The following CERS4 variants were observed in gnomAD, a reference collection of about 807,000 sequenced individuals.
CERS4 encodes the protein ceramide synthase 4.
A neutral mutation model predicts 51.8 loss-of-function variants in CERS4; 65 were observed. That is an observed-to-expected ratio of 1.26 (90% CI 1.03 to 1.54). CERS4 has a LOEUF of 1.54. CERS4 is among the 40% of genes most tolerant of loss of function. The probability of loss-of-function intolerance (pLI) is 0.00; values close to 1 mark genes in which losing one functional copy is unlikely to be tolerated. For synonymous variants in CERS4, 228 were observed against 208.4 expected (o/e 1.09, Z -0.81); for missense variants, 563 against 500.4 (o/e 1.13, Z -1.19).
chr19:8,237,025 A>AAAAAAC (rs1968297034), intron 2 of CERS4, among the ~76,000 whole-genome samples: 1 of 150,586 alleles, frequency 6.6e-6, no homozygotes, highest in East Asian at 1.9e-4. Flanking sequence ...AAAAAAAAAA[A>AAAAAAC]AACGAAAAGG....
In CERS4 at chr19:8,261,721, C is replaced by A; in HGVS notation, c.882C>A (p.Ser294Arg). 1 of 1,614,158 alleles carries A rather than the reference C, an allele frequency of 6.2e-7. No homozygotes were observed. Residue 294 changes from serine to arginine, a missense_variant, in exon 11 of 12, where the codon AGC becomes AGA. Coordinates refer to ENST00000251363, the MANE Select transcript of CERS4 (RefSeq NM_024552.3). ...ACACCACATACTACGAGTCCATCAGCAACAGGGGCCCCTTCTTCGGCTACT... is the reference window on the plus strand; with the variant it reads ...ACACCACATACTACGAGTCCATCAGAAACAGGGGCCCCTTCTTCGGCTACT... ...ILYTTYYESI[S>R]NRGPFFGYYF... is the part of the protein sequence containing the mutation.
Position 8,261,761 on chromosome 19 carries a change from C to G in CERS4, c.922C>G (p.Leu308Val). 1 of 1,614,152 alleles carries G rather than the reference C, an allele frequency of 6.2e-7. No homozygotes were observed. Among genetic ancestry groups the G allele is most frequent in the Non-Finnish European group, 8.5e-7 (1 of 1,180,008 alleles). Reference protein sequence around the residue: ...PFFGYYFFNGLLMLLQLLHVF... With the variant: ...PFFGYYFFNGVLMLLQLLHVF... Reference sequence around the variant, plus strand: ...CTTCGGCTACTACTTCTTCAACGGGCTTCTGATGTTGCTGCAGCTGCTGCA... The same window carrying G: ...CTTCGGCTACTACTTCTTCAACGGGGTTCTGATGTTGCTGCAGCTGCTGCA... Residue 308 changes from leucine (L) to valine (V), a missense_variant, in exon 11 of 12, where the codon CTT becomes GTT. By Grantham distance (32) the Leu-to-Val change is conservative. Transcript: ENST00000251363.
At chr19:8,258,029 G>C (rs1568540500) in intron 10 of CERS4, 44 bp downstream of exon 10, 1 of 1,445,942 alleles carries the variant, frequency 6.9e-7, no homozygotes, top group Admixed American at 1.7e-5. Flanking sequence ...GGGAGGGCGT[G>C]TCTGAGATTC....
intron 10 of CERS4, among the ~76,000 whole-genome samples, chr19:8,260,051 A>G (rs2145339728): frequency 6.6e-6 from 1 of 151,916 alleles, no homozygotes; most frequent in East Asian, 1.9e-4. Context: ...GGAGCCAGAG[A>G]GGGAAGGGGC....
Position 8,257,871 on chromosome 19 carries a change from C to T in CERS4, c.742-8C>T, listed in dbSNP as rs748405135. On this transcript the variant is annotated splice_polypyrimidine_tract_variant and splice_region_variant and intron_variant, in intron 9 of 11. Transcript: ENST00000251363. The stretch of plus-strand genomic sequence containing the variant: ...CCTGAGCCCATTTCTCCCTGCTGCC[C>T]TTTCCAGGCCTGTAAGATGGTCAAC... 8.1e-6 allele frequency: 13 copies of T among 1,611,460 alleles called. No individual in the cohort carries two copies. The Middle Eastern group carries it at 8.2e-4, about 102-fold the overall frequency.
chr19:8,245,056 G>A (rs1968697789), intron 2 of CERS4, among the ~76,000 whole-genome samples: 1 of 141,454 alleles, frequency 7.1e-6, no homozygotes, highest in Admixed American at 7.7e-5. Flanking sequence ...AGCTTGCAGT[G>A]AGCTGAGATC....
chr19:8,258,390 G>A (rs748062622), intron 10 of CERS4, among the ~76,000 whole-genome samples: 9 of 152,282 alleles, frequency 5.9e-5, no homozygotes, highest in South Asian at 4.1e-4. Context: ...CACAGCATGC[G>A]AAGGAGAGAT....
chr19:8,224,406 CA>C (rs34399032), intron 2 of CERS4, among the ~76,000 whole-genome samples: 41,678 of 104,304 alleles, frequency 0.4, 5,926 homozygotes, highest in East Asian at 0.58. Flanking sequence ...GACTCCATCG[CA>C]AAAAAAAAAA....
chr19:8,222,144 T>C (rs1967592452), intron 2 of CERS4: 1 of 151,870 alleles, frequency 6.6e-6, no homozygotes, highest in Non-Finnish European at 1.5e-5. Context: ...CCTCCCAAAG[T>C]GCTGGGATTA....
At chr19:8,245,030 G>A (rs1232454411) in intron 2 of CERS4, among the ~76,000 whole-genome samples, 1 of 150,652 alleles carries the variant, frequency 6.6e-6, no homozygotes, top group African/African-American at 2.4e-5. Context: ...TGTAGTCCCA[G>A]CTACTCGGGA....
intron 2 of CERS4, among the ~76,000 whole-genome samples, chr19:8,231,581 C>T (rs1467969132): frequency 1.3e-5 from 2 of 152,030 alleles, no homozygotes; most frequent in African/African-American, 4.8e-5. Context: ...TGGAGTCTTG[C>T]TCTGTCGCCC....
chr19:8,261,936 A>G lies in CERS4; in HGVS notation c.1012A>G (p.Lys338Glu), dbSNP rs1191490473. ...YSFMKKGQME[K>E]DIRSDVEESD... ...CCCTCTCTCTGTTCCCCAGATGGAGAAGGACATTCGTAGTGATGTAGAAGA... is the reference window on the plus strand; with the variant it reads ...CCCTCTCTCTGTTCCCCAGATGGAGGAGGACATTCGTAGTGATGTAGAAGA... The change falls in exon 12 of 12, where the codon AAG (lysine) becomes GAG (glutamate). Residue 338 changes from lysine (K) to glutamate (E), a missense_variant. By Grantham distance (56) the Lys-to-Glu change is moderately conservative. Transcript: ENST00000251363. The G allele has an allele frequency of 6.2e-6, 10 of 1,608,392 alleles. No homozygotes were observed. The highest frequency in any genetic ancestry group is 1.7e-5 in the Admixed American group (1 of 58,804).
intron 5 of CERS4, 29 bp downstream of exon 5, chr19:8,255,754 C>A: frequency 6.3e-6 from 10 of 1,596,738 alleles, no homozygotes; most frequent in Non-Finnish European, 8.6e-6. Flanking sequence ...TTCTGGGGTG[C>A]AGGGAAGCGG....
chr19:8,251,502 C>T (rs890450928), intron 3 of CERS4, among the ~76,000 whole-genome samples: 3 of 152,160 alleles, frequency 2.0e-5, no homozygotes, highest in Admixed American at 2.0e-4. Flanking sequence ...GCTGGGTATG[C>T]CAGCATCTTC....
At chr19:8,235,890 C>T (rs1333292766) in intron 2 of CERS4, among the ~76,000 whole-genome samples, 1 of 150,218 alleles carries the variant, frequency 6.7e-6, no homozygotes, top group Non-Finnish European at 1.5e-5. Flanking sequence ...GAGCAAGACC[C>T]TATCCCAAAA....
chr19:8,260,917 C>T (rs1482267147), intron 10 of CERS4: 2 of 144,078 alleles, frequency 1.4e-5, no homozygotes, highest in Admixed American at 1.5e-4. Flanking sequence ...CGCCATTGCA[C>T]TCCAGCCTGG....
intron 2 of CERS4, among the ~76,000 whole-genome samples, chr19:8,247,714 C>G (rs1968850842): frequency 6.7e-6 from 1 of 149,796 alleles, no homozygotes; most frequent in East Asian, 2.0e-4. Context: ...ACCACTTTGC[C>G]TGGCCTGACC....
intron 2 of CERS4, among the ~76,000 whole-genome samples, chr19:8,249,685 G>A (rs901004422): frequency 1.0e-4 from 14 of 135,040 alleles, no homozygotes; most frequent in East Asian, 2.4e-4. Context: ...TCCGCCTCCC[G>A]GGTTCAAGCA....
intron 2 of CERS4, among the ~76,000 whole-genome samples, chr19:8,219,826 A>G (rs1175956927): frequency 6.6e-6 from 1 of 151,872 alleles, no homozygotes; most frequent in Admixed American, 6.6e-5. Context: ...TTTCAAAAAA[A>G]AAAAATTAGC....
Sources: gnomAD v4.1 joint callset for allele counts (sites outside exome capture counted in the v4.1 genomes callset) on GRCh38, gnomAD v4.1.1 for gene constraint, MANE v1.5 for transcripts, NCBI Gene and HGNC (gene_info 2026-07-23, HGNC 2026-07-21) for gene names.